The following RASGEF1A variants were observed in gnomAD, a reference collection of about 807,000 sequenced individuals.
RASGEF1A encodes the protein RasGEF domain family member 1A.
RASGEF1A carries 18 observed loss-of-function variants against 56.4 expected under a neutral mutation model. The observed-to-expected ratio is 0.32, with a 90% CI of 0.22 to 0.47. RASGEF1A has a LOEUF of 0.47. Among genes scored for constraint, RASGEF1A ranks in the 20% least tolerant of loss-of-function variants. The pLI is 1.00. For synonymous variants in RASGEF1A, 245 were observed against 242.6 expected (o/e 1.01, Z -0.09); for missense variants, 422 against 627.1 (o/e 0.67, Z 3.49).
chr10:43,235,308 C>T (rs755779458), intron 1 of RASGEF1A, among the ~76,000 whole-genome samples: 1 of 152,246 alleles, frequency 6.6e-6, no homozygotes, highest in Non-Finnish European at 1.5e-5. Context: ...GAGTCAGAGC[C>T]TCCACATCTT....
At position 43,200,270 on chromosome 10, in the gene RASGEF1A, T is replaced by C; in HGVS notation, c.682-14A>G. On this transcript the variant is annotated splice_polypyrimidine_tract_variant and intron_variant, in intron 5 of 12. Transcript: ENST00000395810. ...GCTGACCCTGTCCTGGGGTGGAAGA[T>C]AGCAAAGGGAAGGTGACAAGCTTCC... 1 of 1,596,412 alleles carries C rather than the reference T, an allele frequency of 6.3e-7. No homozygotes were observed. The highest frequency in any genetic ancestry group is 1.3e-5 in the African/African-American group (1 of 74,732).
At chr10:43,245,906 G>T (rs552091406) in intron 1 of RASGEF1A, among the ~76,000 whole-genome samples, 2 of 152,066 alleles carry the variant, frequency 1.3e-5, no homozygotes, top group South Asian at 4.1e-4. Flanking sequence ...GGAGGTTCTG[G>T]CCTCGGCAAT....
intron 1 of RASGEF1A, among the ~76,000 whole-genome samples, chr10:43,225,931 C>T (rs775554581): frequency 2.4e-4 from 36 of 151,142 alleles, no homozygotes; most frequent in Admixed American, 3.9e-4. Flanking sequence ...CGGCCCAAGG[C>T]TGGGCAGGGG....
chr10:43,219,667 A>T (rs1277090691), intron 1 of RASGEF1A, among the ~76,000 whole-genome samples: 1 of 152,224 alleles, frequency 6.6e-6, no homozygotes, highest in Non-Finnish European at 1.5e-5. Flanking sequence ...GGGCAGGGTC[A>T]GGGCTGAGGG....
intron 1 of RASGEF1A, 120 bp downstream of exon 1, chr10:43,266,725 G>A (rs1399464668): frequency 1.8e-4 from 27 of 146,062 alleles, no homozygotes; most frequent in Admixed American, 6.1e-4. Context: ...CACGACGGCC[G>A]CGCCGGGAGG....
Position 43,254,220 on chromosome 10 carries a change from G to A in RASGEF1A, c.-7+12625C>T, listed in dbSNP as rs377520317. On this transcript the variant is annotated intron_variant, in intron 1 of 12. Transcript: ENST00000395810. ...CAGGGAGGGCGGGAGACAAACAGAG[G>A]GGGCCTTCAGGGTCCTCTTGGGAAC... Among the ~76,000 whole-genome samples the A allele has an allele frequency of 9.8e-5, 15 of 152,328 alleles. No individual in the cohort carries two copies. In the East Asian group the frequency reaches 2.9e-3, roughly 29 times the overall value.
At position 43,208,319 on chromosome 10, in the gene RASGEF1A, C is replaced by T. The variant is rs550923230; in HGVS notation, c.-6-2197G>A. ...GTAGTATGTGGGGGATGCACTCTGACACCCCACAAACTCAGCCCCAGCCGA... is the reference window on the plus strand; with the variant it reads ...GTAGTATGTGGGGGATGCACTCTGATACCCCACAAACTCAGCCCCAGCCGA... On this transcript the variant is annotated intron_variant, in intron 1 of 12. Transcript: ENST00000395810. 69 of 985,828 alleles carry T rather than the reference C, an allele frequency of 7.0e-5. No individual in the cohort carries two copies. The South Asian group carries it at 2.7e-3, about 39-fold the overall frequency. 61.1% of individuals were successfully genotyped at this position (985,828 alleles called of 1,614,324 possible).
At chr10:43,212,088 C>A (rs1409589359) in intron 1 of RASGEF1A, among the ~76,000 whole-genome samples, 1 of 152,190 alleles carries the variant, frequency 6.6e-6, no homozygotes, top group Admixed American at 6.5e-5. Flanking sequence ...GGGCACACAC[C>A]ACACCGCCAG....
chr10:43,207,730 T>G, intron 1 of RASGEF1A: 1 of 983,848 alleles, frequency 1.0e-6, no homozygotes, highest in South Asian at 4.7e-5. Flanking sequence ...ATGCACATTC[T>G]CAGGCCTAGC....
At position 43,264,953 on chromosome 10, in the gene RASGEF1A, C is replaced by A. The variant is rs182774814; in HGVS notation, c.-7+1892G>T. On this transcript the variant is annotated intron_variant, in intron 1 of 12. Coordinates refer to ENST00000395810, the MANE Select transcript of RASGEF1A (RefSeq NM_145313.4). ...GCCAAAAACCAAAGGCCAACCAAAG[C>A]TGTCCCATCCTGCCCCTGGCATCAT... Among the ~76,000 whole-genome samples the A allele has an allele frequency of 2.8e-4, 42 of 152,268 alleles. 4 individuals carry two copies. In the South Asian group the frequency reaches 3.9e-3, roughly 14 times the overall value.
intron 2 of RASGEF1A, among the ~76,000 whole-genome samples, chr10:43,205,626 C>T (rs905490319): frequency 6.6e-6 from 1 of 152,190 alleles, no homozygotes; most frequent in Non-Finnish European, 1.5e-5. Flanking sequence ...ACTCAGGGCC[C>T]TGCTCGGCCC....
At chr10:43,245,511 G>A (rs1471923624) in intron 1 of RASGEF1A, among the ~76,000 whole-genome samples, 5 of 152,098 alleles carry the variant, frequency 3.3e-5, no homozygotes, top group Non-Finnish European at 7.4e-5. Flanking sequence ...ATCCATAAAT[G>A]TAGATGCAAA....
chr10:43,239,103 C>T (rs1311898578), intron 1 of RASGEF1A, among the ~76,000 whole-genome samples: 1 of 152,208 alleles, frequency 6.6e-6, no homozygotes, highest in Non-Finnish European at 1.5e-5. Context: ...CTCCTGGCAA[C>T]TCCATACGTT....
intron 1 of RASGEF1A, among the ~76,000 whole-genome samples, chr10:43,219,618 G>A (rs1002469704): frequency 6.6e-6 from 1 of 152,180 alleles, no homozygotes. Context: ...AGTCAGCCCC[G>A]AAGCAGCAGC....
At chr10:43,236,310 T>A (rs1332617944) in intron 1 of RASGEF1A, among the ~76,000 whole-genome samples, 1 of 152,214 alleles carries the variant, frequency 6.6e-6, no homozygotes, top group Non-Finnish European at 1.5e-5. Flanking sequence ...CGCATCCATG[T>A]GTGTTTGTGT....
chr10:43,239,757 G>T (rs1840479436), intron 1 of RASGEF1A, among the ~76,000 whole-genome samples: 1 of 152,184 alleles, frequency 6.6e-6, no homozygotes, highest in Non-Finnish European at 1.5e-5. Flanking sequence ...TTCCCATGGA[G>T]ACCCCACTTA....
chr10:43,239,772 G>A (rs1435688881), intron 1 of RASGEF1A, among the ~76,000 whole-genome samples: 2 of 152,174 alleles, frequency 1.3e-5, no homozygotes, highest in East Asian at 1.9e-4. Flanking sequence ...CACTTACAAG[G>A]ATGTCTGTAT....
At chr10:43,252,005 G>C (rs1840632341) in intron 1 of RASGEF1A, among the ~76,000 whole-genome samples, 1 of 152,206 alleles carries the variant, frequency 6.6e-6, no homozygotes, top group South Asian at 2.1e-4. Context: ...GGCACCCTGA[G>C]GACACACAGG....
At chr10:43,245,591 A>G (rs2176847) in intron 1 of RASGEF1A, among the ~76,000 whole-genome samples, 104,169 of 152,066 alleles carry the variant, frequency 0.69, 35,882 homozygotes, top group East Asian at 0.86. Context: ...TGACTAAGCC[A>G]TACGTATTCA....
Sources: gnomAD v4.1 joint callset for allele counts (sites outside exome capture counted in the v4.1 genomes callset) on GRCh38, gnomAD v4.1.1 for gene constraint, MANE v1.5 for transcripts, NCBI Gene and HGNC (gene_info 2026-07-23, HGNC 2026-07-21) for gene names.